SNX8: variants seen among roughly 807,000 people sequenced by gnomAD.
SNX8 encodes sorting nexin 8.
A neutral mutation model predicts 51.6 loss-of-function variants in SNX8; 25 were observed. The ratio of observed to expected loss-of-function variants is 0.48; its 90% CI spans 0.35 to 0.68. The LOEUF is 0.68. Among genes scored for constraint, SNX8 ranks in the 30% least tolerant of loss-of-function variants. The probability of loss-of-function intolerance (pLI) is 0.00; values close to 1 mark genes in which losing one functional copy is unlikely to be tolerated. For missense variants in SNX8, 695 were observed against 624.0 expected, an observed-to-expected ratio of 1.11 and a Z score of -1.21; for synonymous variants, 324 against 277.0, an observed-to-expected ratio of 1.17 and a Z score of -1.68.
intron 1 of SNX8, among the ~76,000 whole-genome samples, chr7:2,353,302 T>C (rs1779202134): frequency 6.6e-6 from 1 of 152,092 alleles, no homozygotes. Flanking sequence ...GAGGATTCTC[T>C]TGAGGCTGGA....
chr7:2,274,904 G>A, intron 3 of SNX8: 1 of 553,556 alleles, frequency 1.8e-6, no homozygotes, highest in Non-Finnish European at 3.2e-6. Context: ...GCTCTGGTGG[G>A]CCAAGGCTGC....
intron 1 of SNX8, among the ~76,000 whole-genome samples, chr7:2,350,160 G>A (rs1033872435): frequency 6.6e-6 from 1 of 152,090 alleles, no homozygotes; most frequent in Non-Finnish European, 1.5e-5. Context: ...ATTCTGTTAA[G>A]ATAAACCCAC....
chr7:2,288,347 TA>T (rs538014195), intron 1 of SNX8: 7,237 of 120,536 alleles, frequency 0.06, 335 homozygotes, highest in African/African-American at 0.14. Context: ...AAGACTGTCT[TA>T]AAAAAAAAAA....
intron 1 of SNX8, among the ~76,000 whole-genome samples, chr7:2,339,635 C>A (rs972604854): frequency 6.6e-6 from 1 of 151,746 alleles, no homozygotes; most frequent in African/African-American, 2.4e-5. Flanking sequence ...TTTTTGAAAT[C>A]TCATCAGGAA....
chr7:2,270,997 G>A (rs1233126381), intron 4 of SNX8, among the ~76,000 whole-genome samples: 3 of 152,354 alleles, frequency 2.0e-5, no homozygotes, highest in East Asian at 3.9e-4. Context: ...TCCCTGGAGG[G>A]GCTGGCAGCT....
intron 1 of SNX8, among the ~76,000 whole-genome samples, chr7:2,346,262 T>C (rs1562465306): frequency 2.4e-5 from 1 of 42,064 alleles, no homozygotes. Flanking sequence ...GCTCACATAG[T>C]GAGACCCTGG....
intron 1 of SNX8, among the ~76,000 whole-genome samples, chr7:2,283,134 GAAAC>G (rs931703901): frequency 3.3e-5 from 5 of 150,806 alleles, no homozygotes; most frequent in African/African-American, 7.3e-5. Flanking sequence ...AAAAAAAAAA[GAAAC>G]AAACAAACAG....
At chr7:2,344,697 T>C (rs1385746940) in intron 1 of SNX8, among the ~76,000 whole-genome samples, 1 of 151,702 alleles carries the variant, frequency 6.6e-6, no homozygotes, top group Non-Finnish European at 1.5e-5. Context: ...GGCAAGCAGA[T>C]CATTTAAGTT....
intron 1 of SNX8, among the ~76,000 whole-genome samples, chr7:2,320,146 G>C (rs1436396279): frequency 6.6e-6 from 1 of 151,736 alleles, no homozygotes; most frequent in Non-Finnish European, 1.5e-5. Flanking sequence ...ACCTGAGATC[G>C]GGAGTTTGAG....
chr7:2,256,794 G>A (rs1235942445), intron 10 of SNX8, 80 bp downstream of exon 10: 5 of 1,472,936 alleles, frequency 3.4e-6, no homozygotes, highest in Non-Finnish European at 3.7e-6. Context: ...GCCGGCCACC[G>A]CGCTGCCGGG....
At chr7:2,327,396 T>A (rs528505784) in intron 1 of SNX8, among the ~76,000 whole-genome samples, 1 of 150,640 alleles carries the variant, frequency 6.6e-6, no homozygotes, top group Non-Finnish European at 1.5e-5. Flanking sequence ...CCCACCACCA[T>A]GCCTGGCTAA....
At chr7:2,353,054 G>A (rs571755585) in intron 1 of SNX8, among the ~76,000 whole-genome samples, 3 of 152,270 alleles carry the variant, frequency 2.0e-5, no homozygotes, top group African/African-American at 7.2e-5. Context: ...GGCACTTTGG[G>A]AAGCTGAGGG....
In SNX8 at chr7:2,255,886, G is replaced by T. The variant is rs567608297; in HGVS notation, c.1285-717C>A. On this transcript the variant is annotated intron_variant, in intron 10 of 10. Coordinates refer to ENST00000222990, the MANE Select transcript of SNX8 (RefSeq NM_013321.4). ...GGCAGGGGTCAGGCCAAGACCTGCC[G>T]TGCAGGGGCTCAGGTGGCCAGAGAA... Among the ~76,000 whole-genome samples the T allele has an allele frequency of 2.0e-3, 302 of 152,356 alleles. 1 individual carries two copies. The highest frequency in any genetic ancestry group is 3.5e-3 in the Non-Finnish European group (241 of 68,032).
intron 1 of SNX8, among the ~76,000 whole-genome samples, chr7:2,308,385 T>C (rs1796591780): frequency 1.3e-5 from 2 of 152,026 alleles, no homozygotes; most frequent in Non-Finnish European, 2.9e-5. Flanking sequence ...ATATGTGTCA[T>C]GGCCAGTCAC....
intron 1 of SNX8, among the ~76,000 whole-genome samples, chr7:2,352,811 A>G (rs1391168697): frequency 1.3e-5 from 2 of 151,914 alleles, no homozygotes; most frequent in Admixed American, 6.6e-5. Flanking sequence ...ACTCCAGCCT[A>G]GGCGACAGAG....
intron 1 of SNX8, among the ~76,000 whole-genome samples, chr7:2,349,199 G>A (rs1446963480): frequency 5.5e-5 from 8 of 145,822 alleles, no homozygotes; most frequent in East Asian, 2.0e-4. Context: ...GTGAGGCTCC[G>A]TCTCAAAAAC....
chr7:2,320,162 C>A (rs1796810717), intron 1 of SNX8, among the ~76,000 whole-genome samples: 1 of 152,022 alleles, frequency 6.6e-6, no homozygotes, highest in Admixed American at 6.6e-5. Context: ...TTGAGACCAG[C>A]CTGACCAACA....
intron 1 of SNX8, among the ~76,000 whole-genome samples, chr7:2,331,738 A>AAATAAATAAATG (rs397953105): frequency 1.3e-5 from 2 of 151,278 alleles, no homozygotes; most frequent in African/African-American, 4.9e-5. Flanking sequence ...ATAAATAAAT[A>AAATAAATAAATG]CCATAGCATT....
At chr7:2,259,061 G>A (rs1386989348) in intron 7 of SNX8, among the ~76,000 whole-genome samples, 1 of 152,202 alleles carries the variant, frequency 6.6e-6, no homozygotes, top group Non-Finnish European at 1.5e-5. Context: ...CCGAACACAC[G>A]GTGCTCAGAG....
Sources: allele counts gnomAD v4.1 joint callset (sites outside exome capture counted in the v4.1 genomes callset), GRCh38; gene constraint gnomAD v4.1.1; transcripts MANE v1.5; gene names NCBI Gene and HGNC (gene_info 2026-07-23, HGNC 2026-07-21).